Variants in MPV17 observed in about 807,000 individuals in gnomAD.
MPV17 encodes the protein MPV17, mitochondrial inner membrane protein.
In MPV17, 31 loss-of-function variants were observed where a neutral mutation model predicts 28.6. That is an observed-to-expected ratio of 1.08 (90% CI 0.81 to 1.46). The LOEUF (loss-of-function observed/expected upper bound fraction) is 1.46, where lower values mean the gene tolerates loss of function less well. Ranked by LOEUF, MPV17 falls within the 40% of genes most tolerant of loss-of-function variation. The pLI, the probability that MPV17 is intolerant of heterozygous loss-of-function variation, is 0.00. For synonymous variants in MPV17, 87 were observed against 85.3 expected (o/e 1.02, Z -0.11); for missense variants, 198 against 216.2 (o/e 0.92, Z 0.53).
chr2:27,316,004 A>C, intron 2 of MPV17: 1 of 1,539,654 alleles, frequency 6.5e-7, no homozygotes, highest in Non-Finnish European at 8.8e-7. Context: ...CTCAGAGGTC[A>C]GTGGCACCAG....
intron 2 of MPV17, among the ~76,000 whole-genome samples, chr2:27,321,025 C>G (rs1679837867): frequency 6.6e-6 from 1 of 152,350 alleles, no homozygotes; most frequent in Non-Finnish European, 1.5e-5. Flanking sequence ...AGGGCTCCAG[C>G]ACCAAGAGCC....
At chr2:27,322,592 C>T (rs1558606296) in intron 1 of MPV17, 70 bp from the exon 2 acceptor site, 1 of 1,268,654 alleles carries the variant, frequency 7.9e-7, no homozygotes, top group Non-Finnish European at 1.2e-6. Context: ...GCCTGACATT[C>T]CCTTGTGCCC....
chr2:27,312,977 T>C lies in MPV17; in HGVS notation c.186+17A>G, dbSNP rs764679233. ...CACTGTTGAGTCCACTGAAGCCCTG[T>C]TGAGGGGAGAACTTACCACAAAGCC... On this transcript the variant is annotated intron_variant, in intron 3 of 7. Coordinates refer to ENST00000380044, the MANE Select transcript of MPV17 (RefSeq NM_002437.5). The C allele has an allele frequency of 1.2e-6, 2 of 1,613,612 alleles. No homozygotes were observed. Among genetic ancestry groups the C allele is most frequent in the South Asian group, 2.2e-5 (2 of 91,070 alleles).
Position 27,315,815 on chromosome 2 carries a change from G to T in MPV17, c.71-2706C>A, listed in dbSNP as rs531418737. On this transcript the variant is annotated intron_variant, in intron 2 of 7. Coordinates refer to ENST00000380044, the MANE Select transcript of MPV17 (RefSeq NM_002437.5). ...GACCCCAGGTGATCCACCTGCCTTG[G>T]CCGCCCAAAGTGTTGGGATTATAGG... 2.3e-5 allele frequency: 24 copies of T among 1,029,836 alleles called. No individual in the cohort carries two copies. The East Asian group carries it at 1.1e-3, about 47-fold the overall frequency. 63.8% of individuals were successfully genotyped at this position (1,029,836 alleles called of 1,614,324 possible).
chr2:27,314,333 A>C (rs1679568829), intron 2 of MPV17, among the ~76,000 whole-genome samples: 1 of 152,114 alleles, frequency 6.6e-6, no homozygotes, highest in African/African-American at 2.4e-5. Context: ...AAAAAGAAAA[A>C]AAAAGTAATA....
rs1057523263 is a variant in MPV17 at position 27,309,901 on chromosome 2, G to C, written c.*11C>G. On this transcript the variant is annotated 3_prime_UTR_variant, in exon 8 of 8. Transcript: ENST00000380044. ...ATCACTGCAAGGTGGAAACGATGGA[G>C]TGAGGCAGGCTTAGAGCCGATGTGC... is the stretch of plus-strand genomic sequence containing the variant. 1 of 1,611,500 alleles carries C rather than the reference G, an allele frequency of 6.2e-7. No individual in the cohort carries two copies.
At position 27,309,861 on chromosome 2, in the gene MPV17, C is replaced by T. The variant is rs765027589; in HGVS notation, c.*51G>A. 25 of 1,520,934 alleles carry T rather than the reference C, an allele frequency of 1.6e-5. 1 individual carries two copies. The East Asian group carries it at 2.2e-4, about 14-fold the overall frequency. The allele number at this position is 1,520,934 out of a possible 1,614,324, so 94.2% of individuals were successfully genotyped here. On this transcript the variant is annotated 3_prime_UTR_variant, in exon 8 of 8. Transcript: ENST00000380044. ...ACTTTGAGGAGGTTGTCTGACCGTT[C>T]CAGGGTCAAGCTGCATCACTGCAAG...
In MPV17 at chr2:27,317,539, A is replaced by C. The variant is rs541252772; in HGVS notation, c.71-4430T>G. Reference sequence around the variant, plus strand: ...TATAACGCCAGCTCAGCCACTGACTATCTGAGACCTCAGTGCATGACACTC... The same window carrying C: ...TATAACGCCAGCTCAGCCACTGACTCTCTGAGACCTCAGTGCATGACACTC... On this transcript the variant is annotated intron_variant, in intron 2 of 7. Transcript: ENST00000380044. The surrounding 1 kb of genome is among the most constrained non-coding windows in gnomAD (Gnocchi z 4.0). Among the ~76,000 whole-genome samples the C allele has an allele frequency of 7.2e-5, 11 of 152,324 alleles. No individual in the cohort carries two copies. The South Asian group carries it at 1.9e-3, about 26-fold the overall frequency.
intron 2 of MPV17, 32 bp from the exon 3 acceptor site, chr2:27,313,141 TCTC>T: frequency 6.2e-7 from 1 of 1,613,938 alleles, no homozygotes; most frequent in African/African-American, 1.3e-5. Flanking sequence ...TGTCAGGACA[TCTC>T]CTGGGATGGG....
chr2:27,312,622 T>A (rs2148215701), intron 4 of MPV17, 33 bp from the exon 5 acceptor site: 1 of 1,613,448 alleles, frequency 6.2e-7, no homozygotes, highest in Non-Finnish European at 8.5e-7. Flanking sequence ...CTATGAGTGC[T>A]GAAATCCCCA....
At chr2:27,314,018 A>C (rs553447607) in intron 2 of MPV17, among the ~76,000 whole-genome samples, 1 of 152,248 alleles carries the variant, frequency 6.6e-6, no homozygotes, top group African/African-American at 2.4e-5. Context: ...GGCCAGAATA[A>C]ATCTTTTTCT....
At chr2:27,313,236 A>G (rs1679528802) in intron 2 of MPV17, 127 bp from the exon 3 acceptor site, 2 of 1,553,838 alleles carry the variant, frequency 1.3e-6, no homozygotes, top group East Asian at 4.9e-5. Flanking sequence ...CATTGTGGAA[A>G]CAAATGACTA....
Position 27,313,357 on chromosome 2 carries a change from G to A in MPV17, c.71-248C>T, listed in dbSNP as rs985778343. On this transcript the variant is annotated intron_variant, in intron 2 of 7. Transcript: ENST00000380044. ...CCCAGGTCCAGGAACTTTGCATTGA[G>A]CAGTAAAGGGAAGTCAGAGTCAGAA... 116 of 757,838 alleles carry A rather than the reference G, an allele frequency of 1.5e-4. 2 individuals carry two copies. The East Asian group carries it at 3.0e-3, about 20-fold the overall frequency. The allele number at this position is 757,838 out of a possible 1,614,324, so 46.9% of individuals were successfully genotyped here.
chr2:27,313,115 C>T lies in MPV17; in HGVS notation c.71-6G>A. 6.2e-7 allele frequency: 1 copy of T among 1,614,182 alleles called. No homozygotes were observed. Among genetic ancestry groups the T allele is most frequent in the Non-Finnish European group, 8.5e-7 (1 of 1,180,032 alleles). Reference sequence around the variant, plus strand: ...ACCCAGGCCCATCAGGGACCCTATGCAGGGTACACAGGTGTTGTCAGGACA... The same window carrying T: ...ACCCAGGCCCATCAGGGACCCTATGTAGGGTACACAGGTGTTGTCAGGACA... On this transcript the variant is annotated splice_region_variant and splice_polypyrimidine_tract_variant and intron_variant, in intron 2 of 7. Transcript: ENST00000380044.
At chr2:27,311,357 A>G in intron 7 of MPV17, 1 of 543,064 alleles carries the variant, frequency 1.8e-6, no homozygotes, top group East Asian at 3.2e-5. Context: ...CACCGTGCCC[A>G]GCCAGTCTGT....
chr2:27,310,356 A>G (rs1679384708), intron 7 of MPV17, among the ~76,000 whole-genome samples: 1 of 152,166 alleles, frequency 6.6e-6, no homozygotes, highest in Admixed American at 6.5e-5. Context: ...TCGGCCTCCC[A>G]AAGTGCTGGG....
In MPV17 at chr2:27,322,495, T is replaced by G; in HGVS notation, c.23A>C (p.Gln8Pro). 1 of 1,614,038 alleles carries G rather than the reference T, an allele frequency of 6.2e-7. No homozygotes were observed. The change falls in exon 2 of 8, where the codon CAG (glutamine) becomes CCG (proline). Residue 8 changes from glutamine to proline, a missense_variant. Physicochemically the swap from Gln to Pro is moderately conservative, Grantham distance 76. Transcript: ENST00000380044. ...CCACGGGTGAGCGGCCAGGGCCCGC[T>G]GGTATGCCCGCCAGAGTGCCATGCT... MALWRAY[Q>P]RALAAHPWKV...
chr2:27,320,169 G>A (rs1241822851), intron 2 of MPV17, among the ~76,000 whole-genome samples: 5 of 151,116 alleles, frequency 3.3e-5, no homozygotes, highest in East Asian at 2.0e-4. Flanking sequence ...CCCGGGAGGC[G>A]GAGGTTGCAG....
intron 2 of MPV17, among the ~76,000 whole-genome samples, chr2:27,313,662 C>A (rs539792572): frequency 1.3e-5 from 2 of 152,242 alleles, no homozygotes; most frequent in South Asian, 4.2e-4. Context: ...CAAGACCCTG[C>A]CAACAGCTTT....
Sources: gnomAD v4.1 joint callset for allele counts (sites outside exome capture counted in the v4.1 genomes callset) on GRCh38, gnomAD v4.1.1 for gene constraint, Gnocchi (gnomAD v3.1) non-coding constraint, MANE v1.5 for transcripts, NCBI Gene and HGNC (gene_info 2026-07-23, HGNC 2026-07-21) for gene names.